The following CARM1 variants were observed in gnomAD, a reference collection of about 807,000 sequenced individuals.
CARM1 encodes coactivator associated arginine methyltransferase 1.
A neutral mutation model predicts 72.7 loss-of-function variants in CARM1; 14 were observed. The observed-to-expected ratio is 0.19, with a 90% CI of 0.13 to 0.30. The LOEUF (loss-of-function observed/expected upper bound fraction) is 0.30. Among genes scored for constraint, CARM1 ranks in the 10% least tolerant of loss-of-function variants. The pLI is 1.00. For missense variants in CARM1, 432 were observed against 833.7 expected (o/e 0.52, Z 5.93); for synonymous variants, 333 against 345.5 (o/e 0.96, Z 0.40).
chr19:10,873,645 T>TG (rs2073838528), intron 1 of CARM1, among the ~76,000 whole-genome samples: 2 of 126,634 alleles, frequency 1.6e-5, no homozygotes, highest in Non-Finnish European at 3.4e-5. Context: ...TTTTTTTTTT[T>TG]TTTTTTTTTT....
At chr19:10,890,663 A>ATG (rs2146317140) in intron 1 of CARM1, among the ~76,000 whole-genome samples, 2 of 150,432 alleles carry the variant, frequency 1.3e-5, no homozygotes, top group South Asian at 4.2e-4. Flanking sequence ...ATACGTATAT[A>ATG]TGTGTATACG....
intron 1 of CARM1, among the ~76,000 whole-genome samples, chr19:10,873,313 T>A (rs181429228): frequency 9.7e-4 from 148 of 152,076 alleles, no homozygotes; most frequent in African/African-American, 2.9e-3. Context: ...CTTTAAAAAA[T>A]TTTTTTAGGA....
In CARM1 at chr19:10,886,178, T is replaced by TC. The variant is rs1029830207; in HGVS notation, c.220+14260dup. On this transcript the variant is annotated intron_variant, in intron 1 of 15. Transcript: ENST00000327064. ...TTCAAGTGATTGTCCTGCCTCAGCC[T>TC]CCCCAGTAGCTGGGATTACGGGCAT... Among the ~76,000 whole-genome samples the TC allele has an allele frequency of 6.0e-5, 9 of 150,918 alleles. 1 individual carries two copies. The East Asian group carries it at 1.8e-3, about 30-fold the overall frequency.
chr19:10,893,721 CTGCTGCA>C (rs2069767779), intron 1 of CARM1, among the ~76,000 whole-genome samples: 1 of 152,212 alleles, frequency 6.6e-6, no homozygotes, highest in African/African-American at 2.4e-5. Flanking sequence ...CTGCCAGACT[CTGCTGCA>C]TGTGGGCTCT....
intron 1 of CARM1, among the ~76,000 whole-genome samples, chr19:10,897,600 G>C (rs555595603): frequency 6.6e-6 from 1 of 152,224 alleles, no homozygotes. Flanking sequence ...TGGCCAAAGC[G>C]TAACACTCAG....
intron 1 of CARM1, among the ~76,000 whole-genome samples, chr19:10,890,764 T>TACACAC (rs201011195): frequency 1.5e-4 from 10 of 67,770 alleles, no homozygotes; most frequent in Middle Eastern, 0.013. Flanking sequence ...CACACACATA[T>TACACAC]ACACACACAC....
At position 10,922,462 on chromosome 19, in the gene CARM1, T is replaced by TTCCCCC. The variant is rs2074271663; in HGVS notation, c.*705_*706insTCCCCC. 7.9e-6 allele frequency: 1 copy of TTCCCCC among 127,004 alleles called. No individual in the cohort carries two copies. The highest frequency in any genetic ancestry group is 2.9e-4 in the South Asian group (1 of 3,412). The allele number at this position is 127,004 out of a possible 1,614,324, so 7.9% of individuals were successfully genotyped here. ...TGTCCTGTCCCCGAGCCCCTGCAGG[T>TTCCCCC]CCCCCCCCGCCCCCCCACTCAAGAG... On this transcript the variant is annotated 3_prime_UTR_variant, in exon 16 of 16. Coordinates refer to ENST00000327064, the MANE Select transcript of CARM1 (RefSeq NM_199141.2).
intron 1 of CARM1, among the ~76,000 whole-genome samples, chr19:10,903,587 T>A (rs1290445393): frequency 6.6e-6 from 1 of 151,270 alleles, no homozygotes; most frequent in South Asian, 2.1e-4. Flanking sequence ...TTTAATAGGA[T>A]CTCACGTCTG....
At chr19:10,902,096 A>G (rs2074070518) in intron 1 of CARM1, among the ~76,000 whole-genome samples, 1 of 151,618 alleles carries the variant, frequency 6.6e-6, no homozygotes, top group South Asian at 2.1e-4. Flanking sequence ...CTACAAAAAT[A>G]AGCTGGACGT....
intron 1 of CARM1, among the ~76,000 whole-genome samples, chr19:10,889,301 T>A (rs1568347971): frequency 6.6e-6 from 1 of 151,066 alleles, no homozygotes; most frequent in Non-Finnish European, 1.5e-5. Context: ...GTCCTGTCAC[T>A]GCGCAATTTG....
chr19:10,900,016 A>G (rs1274940730), intron 1 of CARM1, among the ~76,000 whole-genome samples: 1 of 151,952 alleles, frequency 6.6e-6, no homozygotes, highest in Non-Finnish European at 1.5e-5. Context: ...CGCCTGGCCC[A>G]TTTTTCATTT....
intron 1 of CARM1, among the ~76,000 whole-genome samples, chr19:10,897,678 A>G (rs2074033990): frequency 6.6e-6 from 1 of 151,874 alleles, no homozygotes; most frequent in Non-Finnish European, 1.5e-5. Flanking sequence ...CTTTCCTTTT[A>G]CTGCAGGGTA....
Position 10,897,933 on chromosome 19 carries a change from G to C in CARM1, c.221-7018G>C, listed in dbSNP as rs373288851. Among the ~76,000 whole-genome samples the C allele has an allele frequency of 1.3e-3, 200 of 151,934 alleles. 2 individuals carry two copies. Among genetic ancestry groups the C allele is most frequent in the African/African-American group, 4.5e-3 (187 of 41,458 alleles). On this transcript the variant is annotated intron_variant, in intron 1 of 15. Coordinates refer to ENST00000327064, the MANE Select transcript of CARM1 (RefSeq NM_199141.2). ...ATCCTGGCTAACACGGTGAAACCCC[G>C]TCTCTACAAAAAATACAAAAAAAAT...
rs768404188 is a variant in CARM1 at position 10,919,870 on chromosome 19, C to T, written c.1107-7C>T. The T allele has an allele frequency of 6.8e-6, 11 of 1,612,072 alleles. No homozygotes were observed. The highest frequency in any genetic ancestry group is 3.3e-4 in the Middle Eastern group (2 of 6,062). ...TTCCCCAGCAGCCACTGCCCTTTGC[C>T]TTCCAGGATAGAAATCCCATTCAAA... On this transcript the variant is annotated splice_polypyrimidine_tract_variant and splice_region_variant and intron_variant, in intron 9 of 15. Transcript: ENST00000327064.
chr19:10,906,449 G>A (rs929548866), intron 2 of CARM1, among the ~76,000 whole-genome samples: 5 of 152,220 alleles, frequency 3.3e-5, no homozygotes, highest in Admixed American at 1.3e-4. Flanking sequence ...TGCTCATCCC[G>A]AACTGTGTCT....
intron 2 of CARM1, among the ~76,000 whole-genome samples, chr19:10,905,942 C>CTTTTTT (rs35328638): frequency 2.0e-4 from 21 of 103,440 alleles, no homozygotes; most frequent in African/African-American, 7.4e-4. Context: ...TGCCCGGCCC[C>CTTTTTT]TTTTTTTTTT....
At position 10,871,716 on chromosome 19, in the gene CARM1, C is replaced by A. The variant is rs2073819041; in HGVS notation, c.14C>A (p.Ala5Glu). 1 of 920,696 alleles carries A rather than the reference C, an allele frequency of 1.1e-6. No individual in the cohort carries two copies. Among genetic ancestry groups the A allele is most frequent in the South Asian group, 4.8e-5 (1 of 20,718 alleles). 57.0% of individuals were successfully genotyped at this position (920,696 alleles called of 1,614,324 possible). A position where few individuals can be genotyped will look rare whatever the true frequency, so the allele number is the denominator to read the frequency against. Residue 5 changes from alanine to glutamate, a missense_variant, in exon 1 of 16, where the codon GCG (alanine) becomes GAG (glutamate). Transcript: ENST00000327064. The surrounding 1 kb of genome is among the most constrained non-coding windows in gnomAD (Gnocchi z 5.6). MAAA[A>E]AAVGPGAGGA... ...GCCGGATCTAAGATGGCAGCGGCGG[C>A]GGCGGCGGTGGGGCCGGGCGCGGGC...
At chr19:10,889,069 A>G (rs958697024) in intron 1 of CARM1, among the ~76,000 whole-genome samples, 2 of 152,178 alleles carry the variant, frequency 1.3e-5, no homozygotes, top group African/African-American at 4.8e-5. Context: ...TCCTCAGTTC[A>G]GGGGGCTTTC....
rs1266848128 is a variant in CARM1 at position 10,916,842 on chromosome 19, C to T, written c.1020+65C>T. The T allele has an allele frequency of 4.3e-5, 53 of 1,227,416 alleles. No individual in the cohort carries two copies. The highest frequency in any genetic ancestry group is 6.1e-5 in the Non-Finnish European group (53 of 862,140). 76.0% of individuals were successfully genotyped at this position (1,227,416 alleles called of 1,614,324 possible). A position where few individuals can be genotyped will look rare whatever the true frequency, so the allele number is the denominator to read the frequency against. ...GCCATTGCTGTGCAGCTGTGCAGCC[C>T]TCAGGAAGCTACAGCCCCTCTCTGA... On this transcript the variant is annotated intron_variant, in intron 8 of 15. Coordinates refer to ENST00000327064, the MANE Select transcript of CARM1 (RefSeq NM_199141.2). The surrounding 1 kb of genome is among the most constrained non-coding windows in gnomAD (Gnocchi z 4.4).
Sources: gnomAD v4.1 joint callset for allele counts (sites outside exome capture counted in the v4.1 genomes callset) on GRCh38, gnomAD v4.1.1 for gene constraint, Gnocchi (gnomAD v3.1) non-coding constraint, MANE v1.5 for transcripts, NCBI Gene and HGNC (gene_info 2026-07-23, HGNC 2026-07-21) for gene names.